Variants in GPR141 observed in about 807,000 individuals in gnomAD.
GPR141 encodes G protein-coupled receptor 141.
Under a neutral mutation model 6.8 loss-of-function variants are expected in GPR141, and 6 were observed. That is an observed-to-expected ratio of 0.88 (90% CI 0.48 to 1.74). The LOEUF is 1.74. Among genes scored for constraint, GPR141 ranks in the 40% most tolerant of loss-of-function variants. The pLI, the probability that GPR141 is intolerant of heterozygous loss-of-function variation, is 0.01. For synonymous variants in GPR141, 140 were observed against 142.3 expected, an observed-to-expected ratio of 0.98 and a Z score of 0.11; for missense variants, 372 against 372.9, an observed-to-expected ratio of 1.00 and a Z score of 0.02.
At chr7:37,714,248 G>C (rs1367471879) in intron 2 of GPR141, among the ~76,000 whole-genome samples, 1 of 151,892 alleles carries the variant, frequency 6.6e-6, no homozygotes, top group South Asian at 2.1e-4. Flanking sequence ...ACAGGGACTG[G>C]GATGCAGACT....
intron 2 of GPR141, among the ~76,000 whole-genome samples, chr7:37,704,201 G>A (rs1197590391): frequency 6.6e-6 from 1 of 151,834 alleles, no homozygotes; most frequent in Non-Finnish European, 1.5e-5. Flanking sequence ...ACTAGGACAA[G>A]TAAGTAGACT....
intron 2 of GPR141, among the ~76,000 whole-genome samples, chr7:37,690,444 C>A (rs897626730): frequency 6.6e-6 from 1 of 152,102 alleles, no homozygotes; most frequent in Non-Finnish European, 1.5e-5. Flanking sequence ...TTTCACAGTG[C>A]GACGTGCCTG....
At chr7:37,722,996 T>A (rs1314052493) in intron 2 of GPR141, among the ~76,000 whole-genome samples, 50 of 146,418 alleles carry the variant, frequency 3.4e-4, no homozygotes, top group Non-Finnish European at 6.6e-4. Context: ...CTTTCTTTCT[T>A]TTTTTTTTTT....
intron 2 of GPR141, among the ~76,000 whole-genome samples, chr7:37,688,321 A>G (rs1284509667): frequency 6.6e-6 from 1 of 151,998 alleles, no homozygotes; most frequent in African/African-American, 2.4e-5. Context: ...AATCCCAGCT[A>G]CTCAGGGGGC....
chr7:37,694,001 A>G (rs1258316127), intron 2 of GPR141, among the ~76,000 whole-genome samples: 1 of 152,126 alleles, frequency 6.6e-6, no homozygotes, highest in African/African-American at 2.4e-5. Context: ...TTTCCTTGGG[A>G]TATAGGGCAC....
intron 2 of GPR141, among the ~76,000 whole-genome samples, chr7:37,704,923 C>G (rs1314634338): frequency 1.3e-5 from 2 of 151,970 alleles, no homozygotes; most frequent in African/African-American, 4.8e-5. Flanking sequence ...TTTTAGGGTA[C>G]TTTCCACTGT....
intron 2 of GPR141, among the ~76,000 whole-genome samples, chr7:37,728,327 T>A (rs945020344): frequency 2.7e-5 from 4 of 149,244 alleles, no homozygotes; most frequent in African/African-American, 9.7e-5. Context: ...CTACCTACTG[T>A]ACAGTAGACA....
chr7:37,730,431 C>G (rs1371584653), intron 2 of GPR141, among the ~76,000 whole-genome samples: 1 of 152,226 alleles, frequency 6.6e-6, no homozygotes, highest in Non-Finnish European at 1.5e-5. Flanking sequence ...GGACAAATTT[C>G]AAAACCTGAA....
intron 2 of GPR141, among the ~76,000 whole-genome samples, chr7:37,723,015 C>T (rs1224594734): frequency 7.5e-6 from 1 of 132,602 alleles, no homozygotes; most frequent in Non-Finnish European, 1.5e-5. Flanking sequence ...TTGACAGAGT[C>T]TCAGTCTGTT....
At chr7:37,698,188 A>G (rs973700997) in intron 2 of GPR141, among the ~76,000 whole-genome samples, 2 of 152,196 alleles carry the variant, frequency 1.3e-5, no homozygotes, top group African/African-American at 4.8e-5. Context: ...CAGCTTCATC[A>G]AGCCTCAGCT....
intron 2 of GPR141, among the ~76,000 whole-genome samples, chr7:37,714,119 G>T (rs1329826975): frequency 6.6e-6 from 1 of 151,882 alleles, no homozygotes; most frequent in Non-Finnish European, 1.5e-5. Flanking sequence ...AGAATGTTTG[G>T]GTGGCAAGTG....
At chr7:37,684,606 G>A (rs1023616624) in intron 1 of GPR141, among the ~76,000 whole-genome samples, 1 of 152,024 alleles carries the variant, frequency 6.6e-6, no homozygotes, top group African/African-American at 2.4e-5. Context: ...TCAAATATGT[G>A]GAATGAAATA....
intron 2 of GPR141, among the ~76,000 whole-genome samples, chr7:37,686,259 C>G (rs1335197890): frequency 1.3e-5 from 2 of 150,856 alleles, no homozygotes; most frequent in African/African-American, 4.9e-5. Context: ...GACTCAGACT[C>G]AGACTAAAAA....
rs1358038827 is a variant in GPR141, at chr7:37,740,851, C to T, written c.458C>T (p.Ser153Phe). 2 of 1,614,112 alleles carry T rather than the reference C, an allele frequency of 1.2e-6. No homozygotes were observed. The highest frequency in any genetic ancestry group is 3.3e-5 in the Admixed American group (2 of 60,018). The stretch of plus-strand genomic sequence containing the variant: ...GTCATTGTGGTACCCCTGGTTGTCT[C>T]CCGGTATGGAATCCATGAGGAATAC... ...VIVIVVPLVV[S>F]RYGIHEEYNE... Residue 153 changes from serine to phenylalanine, a missense_variant, in exon 3 of 3, where the codon TCC becomes TTC. Physicochemically the swap from Ser to Phe is radical, Grantham distance 155. Coordinates refer to ENST00000334425, the MANE Select transcript of GPR141 (RefSeq NM_001381946.1).
In GPR141 at chr7:37,736,827, T is replaced by C. The variant is rs557007151; in HGVS notation, c.-14-3553T>C. Among the ~76,000 whole-genome samples the C allele has an allele frequency of 2.4e-4, 36 of 152,292 alleles. No individual in the cohort carries two copies. In the South Asian group the frequency reaches 6.8e-3, roughly 29 times the overall value. The stretch of plus-strand genomic sequence containing the variant: ...GAGTTCTTCAGCAGAAGGAAAGTTA[T>C]ACCCAATGGAAACACAGAAATTCAA... On this transcript the variant is annotated intron_variant, in intron 2 of 2. Transcript: ENST00000334425.
At chr7:37,720,604 G>C (rs1319633181) in intron 2 of GPR141, among the ~76,000 whole-genome samples, 1 of 152,064 alleles carries the variant, frequency 6.6e-6, no homozygotes, top group Admixed American at 6.5e-5. Context: ...AGCCAGGGGT[G>C]GTGGTGGGCA....
intron 2 of GPR141, among the ~76,000 whole-genome samples, chr7:37,698,317 T>C (rs1350581326): frequency 2.0e-5 from 3 of 152,362 alleles, no homozygotes; most frequent in Non-Finnish European, 4.4e-5. Flanking sequence ...ATTACCCTTC[T>C]TCCCTCCTAC....
rs899876782 is a variant in GPR141 at position 37,688,631 on chromosome 7, C to G, written c.-15+3048C>G. Reference sequence around the variant, plus strand: ...GGCCAGAAGTCCTCTCTCCTCCTTGCCTTCACTTCCACAATTTCAGGTTCT... The same window carrying G: ...GGCCAGAAGTCCTCTCTCCTCCTTGGCTTCACTTCCACAATTTCAGGTTCT... On this transcript the variant is annotated intron_variant, in intron 2 of 2. Coordinates refer to ENST00000334425, the MANE Select transcript of GPR141 (RefSeq NM_001381946.1). 5.3e-5 allele frequency among the ~76,000 whole-genome samples: 8 copies of G among 152,290 alleles called. 1 individual carries two copies. Among genetic ancestry groups the G allele is most frequent in the Admixed American group, 5.2e-4 (8 of 15,302 alleles).
intron 2 of GPR141, chr7:37,730,049 T>C (rs1038080859): frequency 6.6e-6 from 1 of 152,258 alleles, no homozygotes; most frequent in African/African-American, 2.4e-5. Flanking sequence ...GTCAGTTCAA[T>C]GCCTAAGTAT....
Sources: allele counts gnomAD v4.1 joint callset (sites outside exome capture counted in the v4.1 genomes callset), GRCh38; gene constraint gnomAD v4.1.1; transcripts MANE v1.5; gene names NCBI Gene and HGNC (gene_info 2026-07-23, HGNC 2026-07-21).